NLK: variants seen among roughly 807,000 people sequenced by gnomAD.
The protein encoded by NLK is nemo like kinase.
NLK carries 11 observed loss-of-function variants against 59.0 expected under a neutral mutation model. The observed-to-expected ratio is 0.19, with a 90% CI of 0.12 to 0.31. The LOEUF (loss-of-function observed/expected upper bound fraction) is 0.31. NLK is among the 10% of genes least tolerant of loss of function. The pLI is 1.00. For missense variants in NLK, 410 were observed against 661.1 expected, an observed-to-expected ratio of 0.62 and a Z score of 4.16; for synonymous variants, 235 against 235.9, an observed-to-expected ratio of 1.00 and a Z score of 0.03.
intron 1 of NLK, among the ~76,000 whole-genome samples, chr17:28,108,119 A>G (rs2142798983): frequency 6.6e-6 from 1 of 152,222 alleles, no homozygotes; most frequent in South Asian, 2.1e-4. Flanking sequence ...ATGTAGTCCC[A>G]GCTACTCAGG....
intron 1 of NLK, among the ~76,000 whole-genome samples, chr17:28,062,382 G>T (rs899854963): frequency 4.6e-5 from 7 of 152,084 alleles, no homozygotes; most frequent in African/African-American, 1.7e-4. Flanking sequence ...CACTTAGGAA[G>T]CTGCTGAAGA....
chr17:28,163,734 C>T, intron 5 of NLK, 106 bp downstream of exon 5: 1 of 690,210 alleles, frequency 1.4e-6, no homozygotes, highest in Non-Finnish European at 2.4e-6. Flanking sequence ...CATTACTTTA[C>T]CAAAAGTTAA....
intron 1 of NLK, among the ~76,000 whole-genome samples, chr17:28,103,711 A>G (rs558874039): frequency 6.6e-6 from 1 of 152,312 alleles, no homozygotes; most frequent in East Asian, 1.9e-4. Flanking sequence ...CTCCCTGTCT[A>G]TAGTAAGGTC....
chr17:28,088,347 C>A (rs776157316), intron 1 of NLK, among the ~76,000 whole-genome samples: 5 of 152,198 alleles, frequency 3.3e-5, no homozygotes, highest in Middle Eastern at 6.8e-3. Context: ...TTAAGGTTTG[C>A]AAAATGGTAA....
chr17:28,174,914 A>C (rs1004693780), intron 7 of NLK, among the ~76,000 whole-genome samples: 1 of 151,130 alleles, frequency 6.6e-6, no homozygotes, highest in Non-Finnish European at 1.5e-5. Context: ...ATTGCCATTC[A>C]TGTTATAGCT....
At chr17:28,057,984 C>T (rs748644819) in intron 1 of NLK, among the ~76,000 whole-genome samples, 12 of 152,050 alleles carry the variant, frequency 7.9e-5, no homozygotes, top group Non-Finnish European at 1.6e-4. Flanking sequence ...GCCTAGGCTA[C>T]AATATAAGAT....
intron 1 of NLK, among the ~76,000 whole-genome samples, chr17:28,078,695 G>A (rs1294605085): frequency 6.6e-6 from 1 of 152,092 alleles, no homozygotes; most frequent in Non-Finnish European, 1.5e-5. Context: ...CTAGTACAGT[G>A]CCAGACTCAG....
chr17:28,175,615 G>A (rs534064941), intron 7 of NLK, among the ~76,000 whole-genome samples: 2 of 152,254 alleles, frequency 1.3e-5, no homozygotes, highest in African/African-American at 4.8e-5. Context: ...TTTAACCTCT[G>A]TGTATATCAG....
At chr17:28,088,443 G>A (rs1005706351) in intron 1 of NLK, among the ~76,000 whole-genome samples, 8 of 152,182 alleles carry the variant, frequency 5.3e-5, no homozygotes, top group Admixed American at 5.2e-4. Flanking sequence ...ATTACTTGTT[G>A]GTAGGTACGG....
At chr17:28,169,276 CTT>C (rs1461265544) in intron 6 of NLK, among the ~76,000 whole-genome samples, 3 of 152,232 alleles carry the variant, frequency 2.0e-5, no homozygotes, top group Non-Finnish European at 4.4e-5. Context: ...GAAGGCCTCT[CTT>C]CCTTCTAAGT....
At chr17:28,076,019 G>T (rs1158148610) in intron 1 of NLK, among the ~76,000 whole-genome samples, 1 of 152,042 alleles carries the variant, frequency 6.6e-6, no homozygotes, top group South Asian at 2.1e-4. Flanking sequence ...TCCTTTTTTT[G>T]TATATGTCTT....
chr17:28,100,764 T>C (rs1179733886), intron 1 of NLK, among the ~76,000 whole-genome samples: 1 of 152,230 alleles, frequency 6.6e-6, no homozygotes, highest in Admixed American at 6.5e-5. Flanking sequence ...CTTTGTGTTC[T>C]AGAAATCTTT....
At position 28,192,248 on chromosome 17, in the gene NLK, G is replaced by A. The variant is rs373677213; in HGVS notation, c.1529+35G>A. ...TGTATGTAATTCAACATTCTTGTTA[G>A]AATTAAAAGGATGCCAGTGTTACTT... On this transcript the variant is annotated intron_variant, in intron 10 of 10. Transcript: ENST00000407008. The A allele has an allele frequency of 4.9e-5, 54 of 1,095,354 alleles. No homozygotes were observed. The African/African-American group carries it at 7.9e-4, about 16-fold the overall frequency. The allele number at this position is 1,095,354 out of a possible 1,614,324, so 67.9% of individuals were successfully genotyped here.
At chr17:28,194,459 CAAAT>C (rs1432144877) in intron 10 of NLK, 119 bp from the exon 11 acceptor site, 3 of 672,794 alleles carry the variant, frequency 4.5e-6, no homozygotes, top group Admixed American at 2.9e-5. Context: ...TTCAAAGAAA[CAAAT>C]AAAAATCCAG....
intron 3 of NLK, among the ~76,000 whole-genome samples, chr17:28,151,232 G>T (rs1375972811): frequency 6.6e-6 from 1 of 152,114 alleles, no homozygotes; most frequent in Non-Finnish European, 1.5e-5. Context: ...TGAGACATCT[G>T]GGAGACATTA....
chr17:28,047,530 T>C (rs1909102058), intron 1 of NLK, among the ~76,000 whole-genome samples: 1 of 152,240 alleles, frequency 6.6e-6, no homozygotes, highest in Admixed American at 6.5e-5. Context: ...TGGATTTATA[T>C]ACTGGGAAAT....
chr17:28,151,832 CTGAA>C (rs1907492782), intron 3 of NLK, among the ~76,000 whole-genome samples: 1 of 152,074 alleles, frequency 6.6e-6, no homozygotes, highest in Admixed American at 6.5e-5. Flanking sequence ...TTCATGGATC[CTGAA>C]GATAGTGACA....
At chr17:28,190,401 A>C (rs891109433) in intron 8 of NLK, among the ~76,000 whole-genome samples, 3 of 152,180 alleles carry the variant, frequency 2.0e-5, no homozygotes, top group African/African-American at 4.8e-5. Flanking sequence ...TGGAGGCCAC[A>C]AATTCAAGAA....
chr17:28,059,337 A>G lies in NLK; in HGVS notation c.458+16006A>G, dbSNP rs1254604136. 2.6e-5 allele frequency among the ~76,000 whole-genome samples: 4 copies of G among 152,110 alleles called. No individual in the cohort carries two copies. The East Asian group carries it at 5.8e-4, about 22-fold the overall frequency. On this transcript the variant is annotated intron_variant, in intron 1 of 10. Transcript: ENST00000407008. ...AGAGTGAGAGCTCTAATCTAAAAAT[A>G]GTATATGGTAACCAACTATGTCCAG...
Sources: allele counts gnomAD v4.1 joint callset (sites outside exome capture counted in the v4.1 genomes callset), GRCh38; gene constraint gnomAD v4.1.1; transcripts MANE v1.5; gene names NCBI Gene and HGNC (gene_info 2026-07-23, HGNC 2026-07-21).